Variants in LRPPRC observed in about 807,000 individuals in gnomAD.
LRPPRC encodes the protein leucine-rich PPR motif-containing protein, mitochondrial.
LRPPRC carries 120 observed loss-of-function variants against 180.3 expected under a neutral mutation model. The observed-to-expected ratio is 0.67, with a 90% CI of 0.57 to 0.77. The LOEUF (loss-of-function observed/expected upper bound fraction) is 0.77. LRPPRC is among the 30% of genes least tolerant of loss of function. The probability of loss-of-function intolerance (pLI) is 0.00; values close to 1 mark genes in which losing one functional copy is unlikely to be tolerated. For missense variants in LRPPRC, 2,012 were observed against 1,657.2 expected (o/e 1.21, Z -3.72); for synonymous variants, 723 against 600.0 (o/e 1.21, Z -3.00).
rs866394515 is a variant in LRPPRC, at chr2:43,995,962, C to A, written c.-15G>T. On this transcript the variant is annotated 5_prime_UTR_variant, in exon 1 of 38. Coordinates refer to ENST00000260665, the MANE Select transcript of LRPPRC (RefSeq NM_133259.4). ...AGGGCTGCCATTGCTCGAACGTCCC[C>A]GCAGCGGGAAGCACGCTCCGCCAGA... 7.2e-6 allele frequency: 11 copies of A among 1,524,028 alleles called. No homozygotes were observed. The Admixed American group carries it at 1.0e-4, about 14-fold the overall frequency. 94.4% of individuals were successfully genotyped at this position (1,524,028 alleles called of 1,614,324 possible).
Position 43,946,105 on chromosome 2 carries a change from G to T in LRPPRC, c.2210+8C>A. ...GTTGACAACTTGTTTCAGTGCCAGG[G>T]TACTCACAATTCTTCTTTCAAGTTC... is the stretch of plus-strand genomic sequence containing the variant. On this transcript the variant is annotated splice_region_variant and intron_variant, in intron 21 of 37. Coordinates refer to ENST00000260665, the MANE Select transcript of LRPPRC (RefSeq NM_133259.4). 6.2e-7 allele frequency: 1 copy of T among 1,611,928 alleles called. No individual in the cohort carries two copies.
rs149564147 is a variant in LRPPRC, at chr2:43,988,343, C to G, written c.150-5909G>C. On this transcript the variant is annotated intron_variant, in intron 1 of 37. Transcript: ENST00000260665. ...CCTGAGGTCGGGAGTTCTAGACCAGCCTAACCAACATGAAGAAACCCCATC... is the reference window on the plus strand; with the variant it reads ...CCTGAGGTCGGGAGTTCTAGACCAGGCTAACCAACATGAAGAAACCCCATC... Among the ~76,000 whole-genome samples, 435 of 151,746 alleles carry G rather than the reference C, an allele frequency of 2.9e-3. 3 individuals are homozygous for G. Among genetic ancestry groups the G allele is most frequent in the African/African-American group, 0.01 (419 of 41,320 alleles).
At chr2:43,985,983 G>A (rs540507725) in intron 1 of LRPPRC, among the ~76,000 whole-genome samples, 230 of 152,244 alleles carry the variant, frequency 1.5e-3, no homozygotes, top group African/African-American at 3.1e-3. Flanking sequence ...TGGGGTTTTC[G>A]ACGTTTTGCT....
At chr2:43,921,303 A>T (rs1671691529) in intron 27 of LRPPRC, among the ~76,000 whole-genome samples, 1 of 152,162 alleles carries the variant, frequency 6.6e-6, no homozygotes, top group Non-Finnish European at 1.5e-5. Flanking sequence ...TAAGGACTAA[A>T]ATAAAACACA....
At position 43,946,192 on chromosome 2, in the gene LRPPRC, T is replaced by G; in HGVS notation, c.2131A>C (p.Thr711Pro). 6.2e-7 allele frequency: 1 copy of G among 1,610,980 alleles called. No individual in the cohort carries two copies. Among genetic ancestry groups the G allele is most frequent in the Admixed American group, 1.7e-5 (1 of 59,968 alleles). The change falls in exon 21 of 38, where the codon ACT becomes CCT. Residue 711 changes from threonine to proline, a missense_variant. By Grantham distance (38) the Thr-to-Pro change is conservative. Transcript: ENST00000260665. ...LKAKYESDMV[T>P]GGYAALINLC... ...TTTATTAAAGCTGCATAGCCACCAG[T>G]AACCATGTCGGATTCATATTTTGCT...
intron 2 of LRPPRC, among the ~76,000 whole-genome samples, chr2:43,980,413 C>T (rs946401295): frequency 2.0e-5 from 3 of 151,830 alleles, no homozygotes; most frequent in Non-Finnish European, 4.4e-5. Context: ...ATTAGCTGGG[C>T]GAGATGGCGC....
At position 43,889,717 on chromosome 2, in the gene LRPPRC, A is replaced by G. The variant is rs775348145; in HGVS notation, c.4128+17T>C. ...ATCTGCAGAGGTATTTTTTCCCCTT[A>G]ATTAAGAAATACTCACAGGGGGTTC... On this transcript the variant is annotated intron_variant, in intron 37 of 37. Transcript: ENST00000260665. The G allele has an allele frequency of 1.3e-6, 2 of 1,599,738 alleles. No individual in the cohort carries two copies. The highest frequency in any genetic ancestry group is 2.7e-5 in the African/African-American group (2 of 74,568).
At chr2:43,966,760 AT>A (rs1673579110) in intron 11 of LRPPRC, among the ~76,000 whole-genome samples, 1 of 137,610 alleles carries the variant, frequency 7.3e-6, no homozygotes. Flanking sequence ...AAATAAAAAA[AT>A]AAATAAAAGC....
At chr2:43,948,087 G>A in intron 18 of LRPPRC, 35 bp downstream of exon 18, 3 of 1,293,192 alleles carry the variant, frequency 2.3e-6, no homozygotes, top group Non-Finnish European at 3.4e-6. Context: ...TGTAAGTTAA[G>A]CATTTTATCC....
At chr2:43,891,278 G>C (rs1670483476) in intron 36 of LRPPRC, among the ~76,000 whole-genome samples, 1 of 152,154 alleles carries the variant, frequency 6.6e-6, no homozygotes, top group Admixed American at 6.5e-5. Flanking sequence ...ACCTAATTTA[G>C]TAGTAACACA....
chr2:43,919,535 G>A (rs962754934), intron 27 of LRPPRC, among the ~76,000 whole-genome samples: 1 of 152,120 alleles, frequency 6.6e-6, no homozygotes, highest in African/African-American at 2.4e-5. Context: ...ACTATTACAA[G>A]GGCTGGGAAG....
intron 11 of LRPPRC, among the ~76,000 whole-genome samples, chr2:43,972,757 G>C (rs1404652400): frequency 1.3e-5 from 2 of 152,072 alleles, no homozygotes; most frequent in Non-Finnish European, 2.9e-5. Context: ...CAATATGAAA[G>C]TCTGCTAAAA....
intron 25 of LRPPRC, among the ~76,000 whole-genome samples, chr2:43,928,987 AATACTATATCATT>A (rs1671987019): frequency 6.6e-6 from 1 of 152,228 alleles, no homozygotes; most frequent in South Asian, 2.1e-4. Flanking sequence ...ACATGTATTT[AATACTATATCATT>A]ATAATAAAGT....
At chr2:43,900,221 A>T (rs1670836785) in intron 32 of LRPPRC, among the ~76,000 whole-genome samples, 1 of 152,176 alleles carries the variant, frequency 6.6e-6, no homozygotes, top group Non-Finnish European at 1.5e-5. Flanking sequence ...TACATTGAAA[A>T]AAATCAGTTA....
chr2:43,911,209 A>G (rs940544391), intron 30 of LRPPRC, among the ~76,000 whole-genome samples: 1 of 151,618 alleles, frequency 6.6e-6, no homozygotes, highest in African/African-American at 2.4e-5. Flanking sequence ...CAAATGACAC[A>G]CAGAGTACAT....
Position 43,892,395 on chromosome 2 carries a change from C to A in LRPPRC, c.3985+2150G>T, listed in dbSNP as rs186516304. ...CAAATCCTAGGGCCCTTAAGAATTA[C>A]GCTAAATTTATTCTGCCTGTGTTCT... is the stretch of plus-strand genomic sequence containing the variant. On this transcript the variant is annotated intron_variant, in intron 36 of 37. Transcript: ENST00000260665. Among the ~76,000 whole-genome samples, 8 of 152,204 alleles carry A rather than the reference C, an allele frequency of 5.3e-5. No homozygotes were observed. The East Asian group carries it at 7.7e-4, about 15-fold the overall frequency.
At position 43,925,051 on chromosome 2, in the gene LRPPRC, T is replaced by A. The variant is rs117077213; in HGVS notation, c.2896+16A>T. 59 of 1,336,008 alleles carry A rather than the reference T, an allele frequency of 4.4e-5. No homozygotes were observed. In the African/African-American group the frequency reaches 7.9e-4, roughly 18 times the overall value. The allele number at this position is 1,336,008 out of a possible 1,614,324, so 82.8% of individuals were successfully genotyped here. ...ACAGAATAAATGAAAGCGTGAAGAA[T>A]AGTTAAATCACTTACTATACAGTTT... On this transcript the variant is annotated intron_variant, in intron 27 of 37. Transcript: ENST00000260665.
intron 36 of LRPPRC, 27 bp from the exon 37 acceptor site, chr2:43,889,903 T>C: frequency 1.3e-6 from 2 of 1,563,342 alleles, no homozygotes; most frequent in Non-Finnish European, 1.8e-6. Flanking sequence ...AATATATTAA[T>C]CAGAGATAAA....
At chr2:43,904,668 G>T (rs1328363452) in intron 31 of LRPPRC, 2 of 148,494 alleles carry the variant, frequency 1.3e-5, no homozygotes, top group Non-Finnish European at 3.0e-5. Context: ...ACTCTAGCCT[G>T]GGCAACAGAA....
Sources: gnomAD v4.1 joint callset for allele counts (sites outside exome capture counted in the v4.1 genomes callset) on GRCh38, gnomAD v4.1.1 for gene constraint, MANE v1.5 for transcripts, NCBI Gene and HGNC (gene_info 2026-07-23, HGNC 2026-07-21) for gene names.